Variants in DENND2B observed in about 807,000 individuals in gnomAD.
The protein encoded by DENND2B is DENN domain-containing protein 2B.
A neutral mutation model predicts 116.0 loss-of-function variants in DENND2B; 32 were observed. The ratio of observed to expected loss-of-function variants is 0.28; its 90% CI spans 0.21 to 0.37. DENND2B has a LOEUF of 0.37. Ranked by LOEUF, DENND2B falls within the 10% of genes least tolerant of loss-of-function variation. The probability of loss-of-function intolerance (pLI) is 1.00; values close to 1 mark genes in which losing one functional copy is unlikely to be tolerated. For missense variants in DENND2B, 1,276 were observed against 1,477.7 expected, an observed-to-expected ratio of 0.86 and a Z score of 2.24; for synonymous variants, 588 against 583.9, an observed-to-expected ratio of 1.01 and a Z score of -0.10.
chr11:8,791,769 A>AAG (rs1265299785), intron 1 of DENND2B, among the ~76,000 whole-genome samples: 1 of 151,550 alleles, frequency 6.6e-6, no homozygotes, highest in Non-Finnish European at 1.5e-5. Flanking sequence ...CTATCTCAAA[A>AAG]AAAAAAAGGA....
At chr11:8,897,927 T>G (rs1316801897) in intron 1 of DENND2B, among the ~76,000 whole-genome samples, 1 of 152,146 alleles carries the variant, frequency 6.6e-6, no homozygotes, top group South Asian at 2.1e-4. Context: ...TGCACCACCA[T>G]GCCCAGCTAA....
At chr11:8,804,796 G>A (rs892919157) in intron 1 of DENND2B, among the ~76,000 whole-genome samples, 7 of 152,010 alleles carry the variant, frequency 4.6e-5, no homozygotes, top group South Asian at 4.2e-4. Flanking sequence ...CACCCACCTC[G>A]GCCTCCCAAA....
At chr11:8,798,763 A>G (rs916842795) in intron 1 of DENND2B, among the ~76,000 whole-genome samples, 5 of 152,104 alleles carry the variant, frequency 3.3e-5, no homozygotes, top group African/African-American at 1.2e-4. Context: ...GGGGTAGGAA[A>G]GAAAATAAAA....
chr11:8,824,853 ATT>A lies in DENND2B; in HGVS notation c.-114-13520_-114-13519del, dbSNP rs371924172. ...CAGGCGCACACCTCCACACCCAGCT[ATT>A]TTTTTTTTTTTTTTTGTATTTTTAG... On this transcript the variant is annotated intron_variant, in intron 4 of 6. Coordinates refer to the DENND2B transcript ENST00000524757. 1.3e-3 allele frequency among the ~76,000 whole-genome samples: 164 copies of A among 130,210 alleles called. 2 individuals are homozygous for A. Among genetic ancestry groups the A allele is most frequent in the African/African-American group, 4.5e-3 (155 of 34,660 alleles). The allele number at this position is 130,210 out of a possible 152,430, so 85.4% of individuals were successfully genotyped here.
intron 1 of DENND2B, among the ~76,000 whole-genome samples, chr11:8,796,079 A>C (rs187503962): frequency 6.6e-6 from 1 of 152,320 alleles, no homozygotes; most frequent in African/African-American, 2.4e-5. Flanking sequence ...ATTCAGTCTC[A>C]CCCTGCTCTG....
At chr11:8,731,845 T>C (rs1592864362) in intron 2 of DENND2B, among the ~76,000 whole-genome samples, 1 of 151,968 alleles carries the variant, frequency 6.6e-6, no homozygotes, top group Admixed American at 6.6e-5. Flanking sequence ...GGCTGTGGAG[T>C]TGAGAAGAGA....
Position 8,713,980 on chromosome 11 carries a change from A to C in DENND2B, c.1987+18T>G. On this transcript the variant is annotated intron_variant, in intron 8 of 19. Coordinates refer to ENST00000313726, the MANE Select transcript of DENND2B (RefSeq NM_213618.2). The stretch of plus-strand genomic sequence containing the variant: ...CCCTGCTGGGAGAGCTTCCGTACTC[A>C]TGGGAGCTGTGCCTCACCTTTGAAC... The C allele has an allele frequency of 6.2e-7, 1 of 1,613,940 alleles. No homozygotes were observed. The highest frequency in any genetic ancestry group is 8.5e-7 in the Non-Finnish European group (1 of 1,179,906).
chr11:8,747,216 A>G lies in DENND2B; in HGVS notation c.80+3405T>C, dbSNP rs1224282282. The stretch of plus-strand genomic sequence containing the variant: ...AAAGACATCAAAGTCCTTGCCCTCA[A>G]GAATTATATATTCTCACACACTCAG... On this transcript the variant is annotated intron_variant, in intron 2 of 19. Transcript: ENST00000313726. 4.6e-5 allele frequency among the ~76,000 whole-genome samples: 7 copies of G among 152,020 alleles called. 1 individual carries two copies.
intron 1 of DENND2B, among the ~76,000 whole-genome samples, chr11:8,778,823 G>A (rs2058037200): frequency 6.6e-6 from 1 of 152,230 alleles, no homozygotes. Context: ...CAGAGCTTCA[G>A]AAGCCAGAAT....
chr11:8,731,100 G>C lies in DENND2B; in HGVS notation c.190C>G (p.Arg64Gly). 1.9e-6 allele frequency: 3 copies of C among 1,608,456 alleles called. No homozygotes were observed. Among genetic ancestry groups the C allele is most frequent in the Non-Finnish European group, 2.6e-6 (3 of 1,176,424 alleles). Residue 64 changes from arginine to glycine, a missense_variant, in exon 3 of 20, where the codon CGG becomes GGG. Arg to Gly is a moderately radical substitution (Grantham distance 125). Coordinates refer to ENST00000313726, the MANE Select transcript of DENND2B (RefSeq NM_213618.2). Reference protein sequence around the residue: ...ACRYPSHSSSRVLLKDRHPPA... With the variant: ...ACRYPSHSSSGVLLKDRHPPA... ...GGGTGCCGGTCCTTGAGGAGCACCC[G>C]GGAGCTGGAGTGGCTGGGGTACCTG...
At chr11:8,853,045 T>C (rs2063064953) in intron 3 of DENND2B, among the ~76,000 whole-genome samples, 1 of 152,204 alleles carries the variant, frequency 6.6e-6, no homozygotes. Flanking sequence ...GGCTCTGTCC[T>C]CATAAGCAAG....
chr11:8,825,426 C>T (rs568083644), intron 4 of DENND2B, among the ~76,000 whole-genome samples: 88 of 151,800 alleles, frequency 5.8e-4, no homozygotes, highest in South Asian at 1.0e-3. Context: ...GATACTGGAC[C>T]TTTGTCTTAT....
intron 1 of DENND2B, among the ~76,000 whole-genome samples, chr11:8,794,997 T>C (rs2059692295): frequency 6.6e-6 from 1 of 152,276 alleles, no homozygotes; most frequent in South Asian, 2.1e-4. Context: ...GTGCAGCCCC[T>C]GCTGGCTGTC....
At chr11:8,876,654 A>G (rs1403411308) in intron 2 of DENND2B, among the ~76,000 whole-genome samples, 1 of 152,152 alleles carries the variant, frequency 6.6e-6, no homozygotes, top group African/African-American at 2.4e-5. Context: ...AGGTGGGCCT[A>G]TCACCTGAGG....
chr11:8,779,595 C>A (rs927108475), intron 1 of DENND2B, among the ~76,000 whole-genome samples: 1 of 150,274 alleles, frequency 6.7e-6, no homozygotes, highest in African/African-American at 2.4e-5. Flanking sequence ...TCACCACAAC[C>A]TCTTACCTCC....
chr11:8,900,269 CAA>C (rs58137458), intron 1 of DENND2B, among the ~76,000 whole-genome samples: 1 of 140,286 alleles, frequency 7.1e-6, no homozygotes. Flanking sequence ...ACTAAAAATA[CAA>C]AAAAAAAAAA....
chr11:8,711,326 C>T, intron 9 of DENND2B, 95 bp from the exon 10 acceptor site: 1 of 1,033,138 alleles, frequency 9.7e-7, no homozygotes, highest in Non-Finnish European at 1.5e-6. Flanking sequence ...CTAGATGCCA[C>T]TGACTAGCGG....
chr11:8,887,205 T>C (rs538114388), intron 1 of DENND2B, among the ~76,000 whole-genome samples: 2 of 152,354 alleles, frequency 1.3e-5, no homozygotes, highest in East Asian at 3.9e-4. Context: ...ATGATAAAGC[T>C]TTCTTACATT....
At position 8,700,067 on chromosome 11, in the gene DENND2B, G is replaced by C. The variant is rs559606273; in HGVS notation, c.2721-677C>G. 2.9e-4 allele frequency: 132 copies of C among 452,282 alleles called. 1 individual carries two copies. Among genetic ancestry groups the C allele is most frequent in the South Asian group, 1.4e-3 (90 of 64,368 alleles). The allele number at this position is 452,282 out of a possible 1,614,324, so 28.0% of individuals were successfully genotyped here. ...CACAGCCCCACGGGAGCTGGCCTGG[G>C]GGGGGGCAGGGTGGCAAAGAGGAAG... On this transcript the variant is annotated intron_variant, in intron 14 of 19. Coordinates refer to ENST00000313726, the MANE Select transcript of DENND2B (RefSeq NM_213618.2).
Sources: allele counts gnomAD v4.1 joint callset (sites outside exome capture counted in the v4.1 genomes callset), GRCh38; gene constraint gnomAD v4.1.1; transcripts MANE v1.5; gene names NCBI Gene and HGNC (gene_info 2026-07-23, HGNC 2026-07-21).